Variants in CTNNA2 observed in about 807,000 individuals in gnomAD.
CTNNA2 encodes the protein catenin alpha-2.
Under a neutral mutation model 101.0 loss-of-function variants are expected in CTNNA2, and 42 were observed. That is an observed-to-expected ratio of 0.42 (90% CI 0.32 to 0.54). The LOEUF (loss-of-function observed/expected upper bound fraction) is 0.54. Ranked by LOEUF, CTNNA2 falls within the 20% of genes least tolerant of loss-of-function variation. CTNNA2 has a pLI of 0.14. For synonymous variants in CTNNA2, 450 were observed against 456.4 expected (o/e 0.99, Z 0.18); for missense variants, 871 against 1,223.1 (o/e 0.71, Z 4.29).
At chr2:80,357,567 G>A (rs773426712) in intron 7 of CTNNA2, among the ~76,000 whole-genome samples, 7 of 152,046 alleles carry the variant, frequency 4.6e-5, no homozygotes, top group South Asian at 2.1e-4. Context: ...CCTGCTCCCC[G>A]ATTCCAAGTG....
chr2:80,187,843 T>A (rs1010646912), intron 7 of CTNNA2, among the ~76,000 whole-genome samples: 1 of 152,222 alleles, frequency 6.6e-6, no homozygotes, highest in Non-Finnish European at 1.5e-5. Flanking sequence ...TGCTTTTTTC[T>A]ATCCCTCATT....
chr2:80,127,005 G>T (rs1702171407), intron 7 of CTNNA2, among the ~76,000 whole-genome samples: 1 of 152,130 alleles, frequency 6.6e-6, no homozygotes, highest in Non-Finnish European at 1.5e-5. Context: ...AGTGTGGGTT[G>T]TTGCTATGAT....
chr2:80,021,127 C>T (rs1694532820), intron 7 of CTNNA2, among the ~76,000 whole-genome samples: 1 of 150,928 alleles, frequency 6.6e-6, no homozygotes, highest in South Asian at 2.1e-4. Context: ...TCAAGTGATC[C>T]TCCCACCTCA....
At chr2:79,687,235 T>C in intron 2 of CTNNA2, among the ~76,000 whole-genome samples, 1 of 152,070 alleles carries the variant, frequency 6.6e-6, no homozygotes, top group East Asian at 1.9e-4. Context: ...CACTTTAGAT[T>C]TTGGTGGCAG....
At chr2:80,058,866 A>G (rs1697395923) in intron 7 of CTNNA2, among the ~76,000 whole-genome samples, 1 of 152,176 alleles carries the variant, frequency 6.6e-6, no homozygotes, top group Admixed American at 6.5e-5. Flanking sequence ...TGCATTAAAA[A>G]AACACTGATA....
At chr2:79,352,689 T>A (rs1024129312) in intron 3 of CTNNA2, among the ~76,000 whole-genome samples, 3 of 152,154 alleles carry the variant, frequency 2.0e-5, no homozygotes, top group Admixed American at 2.0e-4. Context: ...GATAGTTAAT[T>A]TGAGATATTT....
At chr2:80,076,186 T>G (rs1435040811) in intron 7 of CTNNA2, among the ~76,000 whole-genome samples, 1 of 152,142 alleles carries the variant, frequency 6.6e-6, no homozygotes, top group African/African-American at 2.4e-5. Context: ...TGTTTAGCCT[T>G]GTGCCGGGTC....
chr2:80,625,949 A>C (rs1374561999), intron 18 of CTNNA2, among the ~76,000 whole-genome samples: 1 of 152,030 alleles, frequency 6.6e-6, no homozygotes, highest in Non-Finnish European at 1.5e-5. Flanking sequence ...TTTTTAAGAA[A>C]AGATTATGCC....
intron 7 of CTNNA2, among the ~76,000 whole-genome samples, chr2:80,117,566 G>C (rs1318268553): frequency 6.6e-6 from 1 of 151,504 alleles, no homozygotes; most frequent in Non-Finnish European, 1.5e-5. Context: ...CTGATCTTTT[G>C]ATGTGGGTGG....
At chr2:80,453,577 A>T (rs1683709423) in intron 9 of CTNNA2, among the ~76,000 whole-genome samples, 1 of 152,164 alleles carries the variant, frequency 6.6e-6, no homozygotes, top group Admixed American at 6.5e-5. Context: ...AAAAACAAAC[A>T]AAATAAAACA....
rs114084589 is a variant in CTNNA2 at position 80,265,268 on chromosome 2, C to G, written c.1057-127943C>G. 9.4e-3 allele frequency among the ~76,000 whole-genome samples: 1,432 copies of G among 152,246 alleles called. 21 individuals are homozygous for G. Among genetic ancestry groups the G allele is most frequent in the African/African-American group, 0.032 (1,330 of 41,552 alleles). On this transcript the variant is annotated intron_variant, in intron 7 of 18. Transcript: ENST00000402739. The stretch of plus-strand genomic sequence containing the variant: ...GGAATTACAGGCGTGAGCCACTCCT[C>G]CCGGCCAGGAAGAGTTCTAGGCAGA...
At chr2:79,411,294 A>G (rs1263416403) in intron 4 of CTNNA2, among the ~76,000 whole-genome samples, 1 of 151,232 alleles carries the variant, frequency 6.6e-6, no homozygotes, top group African/African-American at 2.4e-5. Context: ...TTGTGTCTCT[A>G]TTTCCTTCAG....
At chr2:80,096,698 G>A (rs1333942151) in intron 7 of CTNNA2, among the ~76,000 whole-genome samples, 4 of 152,116 alleles carry the variant, frequency 2.6e-5, no homozygotes, top group South Asian at 2.1e-4. Flanking sequence ...TCTTGTATTG[G>A]GTGCATATAT....
At chr2:80,563,696 A>G (rs1363437059) in intron 12 of CTNNA2, among the ~76,000 whole-genome samples, 2 of 151,904 alleles carry the variant, frequency 1.3e-5, no homozygotes, top group African/African-American at 4.8e-5. Flanking sequence ...GCCTTTCTGT[A>G]TTTTACCTTT....
chr2:79,378,638 G>C (rs539390740), intron 4 of CTNNA2, among the ~76,000 whole-genome samples: 1 of 152,168 alleles, frequency 6.6e-6, no homozygotes, highest in East Asian at 1.9e-4. Context: ...CATAATATTT[G>C]CTCCTGAGTA....
At chr2:79,827,527 G>A (rs79038681) in intron 3 of CTNNA2, among the ~76,000 whole-genome samples, 2,146 of 152,280 alleles carry the variant, frequency 0.014, 33 homozygotes, top group East Asian at 0.039. Flanking sequence ...GGAGCAGTGA[G>A]CCTGCATATG....
chr2:79,908,943 G>GAAAT (rs1685603483), intron 6 of CTNNA2, among the ~76,000 whole-genome samples: 1 of 152,148 alleles, frequency 6.6e-6, no homozygotes, highest in South Asian at 2.1e-4. Flanking sequence ...TTCCTTTTAG[G>GAAAT]AAATATCACT....
At chr2:79,251,040 T>C (rs1001957191) in intron 2 of CTNNA2, among the ~76,000 whole-genome samples, 3 of 152,224 alleles carry the variant, frequency 2.0e-5, no homozygotes, top group African/African-American at 4.8e-5. Flanking sequence ...ATGGTTAAAA[T>C]CTGGCACTTC....
intron 7 of CTNNA2, among the ~76,000 whole-genome samples, chr2:80,052,956 A>G (rs1034138504): frequency 2.6e-5 from 4 of 152,122 alleles, no homozygotes; most frequent in Non-Finnish European, 5.9e-5. Context: ...TTGACTTTAT[A>G]TCTTTTTCTT....
Sources: allele counts gnomAD v4.1 joint callset (sites outside exome capture counted in the v4.1 genomes callset), GRCh38; gene constraint gnomAD v4.1.1; transcripts MANE v1.5; gene names NCBI Gene and HGNC (gene_info 2026-07-23, HGNC 2026-07-21).